The following NFIA variants were observed in gnomAD, a reference collection of about 807,000 sequenced individuals.
NFIA encodes nuclear factor 1 A-type.
NFIA carries 8 observed loss-of-function variants against 62.8 expected under a neutral mutation model. That is an observed-to-expected ratio of 0.13 (90% CI 0.07 to 0.23). The LOEUF is 0.23. Among genes scored for constraint, NFIA ranks in the 10% least tolerant of loss-of-function variants. The pLI is 1.00. For missense variants in NFIA, 410 were observed against 642.1 expected (o/e 0.64, Z 3.91); for synonymous variants, 235 against 238.1 (o/e 0.99, Z 0.12).
At chr1:61,091,133 G>T (rs969237033) in intron 2 of NFIA, among the ~76,000 whole-genome samples, 1 of 152,120 alleles carries the variant, frequency 6.6e-6, no homozygotes, top group Non-Finnish European at 1.5e-5. Context: ...CCTATAATGC[G>T]TTTTTTCTCG....
chr1:61,453,035 A>G (rs1668130565), intron 10 of NFIA, among the ~76,000 whole-genome samples: 1 of 152,210 alleles, frequency 6.6e-6, no homozygotes, highest in African/African-American at 2.4e-5. Context: ...AAACACAATA[A>G]TTAGTCCTTT....
At chr1:61,416,100 G>A (rs777759573) in intron 9 of NFIA, among the ~76,000 whole-genome samples, 2 of 152,112 alleles carry the variant, frequency 1.3e-5, no homozygotes, top group Admixed American at 1.3e-4. Flanking sequence ...ATGCATGTAC[G>A]TATCAGACTG....
chr1:61,448,944 G>A (rs1667943554), intron 10 of NFIA, among the ~76,000 whole-genome samples: 2 of 152,316 alleles, frequency 1.3e-5, no homozygotes, highest in East Asian at 3.9e-4. Flanking sequence ...AGGTTTGGAG[G>A]TACTGGATGG....
At chr1:61,359,407 G>A in intron 6 of NFIA, 133 bp downstream of exon 6, 3 of 1,300,702 alleles carry the variant, frequency 2.3e-6, no homozygotes, top group Non-Finnish European at 2.1e-6. Context: ...GCACTTGTTT[G>A]TATTGTAATC....
chr1:61,336,425 C>T (rs1661612267), intron 4 of NFIA, among the ~76,000 whole-genome samples: 1 of 152,068 alleles, frequency 6.6e-6, no homozygotes, highest in South Asian at 2.1e-4. Flanking sequence ...GTACAGAAGT[C>T]CCGTATACCC....
intron 2 of NFIA, among the ~76,000 whole-genome samples, chr1:61,094,588 T>C (rs1646379429): frequency 6.6e-6 from 1 of 152,208 alleles, no homozygotes; most frequent in African/African-American, 2.4e-5. Flanking sequence ...TGGAGATGTT[T>C]ATTCTTTTTA....
chr1:61,319,952 T>A (rs1446210856), intron 3 of NFIA, among the ~76,000 whole-genome samples: 2 of 152,086 alleles, frequency 1.3e-5, no homozygotes, highest in African/African-American at 4.8e-5. Flanking sequence ...CTGTGTTCTC[T>A]ATTCACACAT....
intron 2 of NFIA, among the ~76,000 whole-genome samples, chr1:61,177,246 G>C (rs1650440180): frequency 6.6e-6 from 1 of 152,142 alleles, no homozygotes; most frequent in African/African-American, 2.4e-5. Flanking sequence ...AGAAGTAACT[G>C]TATTTCCCTC....
chr1:61,247,643 T>A (rs1215182512), intron 2 of NFIA, among the ~76,000 whole-genome samples: 1 of 152,204 alleles, frequency 6.6e-6, no homozygotes, highest in African/African-American at 2.4e-5. Context: ...AGGGATGCCC[T>A]CGGGCCGTTG....
At chr1:61,374,542 T>A (rs972362935) in intron 6 of NFIA, among the ~76,000 whole-genome samples, 3 of 152,236 alleles carry the variant, frequency 2.0e-5, no homozygotes, top group African/African-American at 7.2e-5. Flanking sequence ...TTGTGTCTAT[T>A]CTTTACTCTC....
At chr1:61,310,098 T>C (rs1660017473) in intron 3 of NFIA, among the ~76,000 whole-genome samples, 1 of 152,104 alleles carries the variant, frequency 6.6e-6, no homozygotes, top group African/African-American at 2.4e-5. Flanking sequence ...CCAGTTGGAG[T>C]TGCTCAGTTA....
intron 2 of NFIA, among the ~76,000 whole-genome samples, chr1:61,146,084 G>A (rs1461371133): frequency 1.3e-5 from 2 of 152,144 alleles, no homozygotes; most frequent in Admixed American, 1.3e-4. Flanking sequence ...AGGCTCCAGG[G>A]GAGAACCTGT....
intron 2 of NFIA, among the ~76,000 whole-genome samples, chr1:61,226,142 C>T (rs1452915218): frequency 3.3e-5 from 5 of 152,088 alleles, no homozygotes; most frequent in African/African-American, 9.7e-5. Context: ...TAATGTGGTA[C>T]GATAGTAGTA....
chr1:61,268,840 G>GC (rs1172724483), intron 2 of NFIA, among the ~76,000 whole-genome samples: 2 of 152,158 alleles, frequency 1.3e-5, no homozygotes, highest in East Asian at 3.9e-4. Flanking sequence ...TCAAAACTGT[G>GC]CCAATGCATA....
chr1:61,358,449 C>T (rs564953480), intron 5 of NFIA, among the ~76,000 whole-genome samples: 3 of 127,810 alleles, frequency 2.3e-5, no homozygotes, highest in African/African-American at 9.0e-5. Context: ...TGCAGTGGCA[C>T]GATCTCGGCT....
chr1:61,373,790 G>A (rs552012404), intron 6 of NFIA, among the ~76,000 whole-genome samples: 7 of 143,888 alleles, frequency 4.9e-5, no homozygotes, highest in East Asian at 2.2e-4. Flanking sequence ...AATATGTTTC[G>A]CTTTTGGAAG....
At chr1:61,119,272 C>T (rs937839858) in intron 2 of NFIA, among the ~76,000 whole-genome samples, 2 of 152,154 alleles carry the variant, frequency 1.3e-5, no homozygotes, top group Admixed American at 6.5e-5. Flanking sequence ...TAAACTCTCT[C>T]GTCTCTGTTC....
In NFIA at chr1:61,128,915, GT is replaced by G. The variant is rs10635152; in HGVS notation, c.559+40260del. Among the ~76,000 whole-genome samples, 251 of 74,104 alleles carry G rather than the reference GT, an allele frequency of 3.4e-3. 1 individual carries two copies. The Middle Eastern group carries it at 0.058, about 17-fold the overall frequency. 48.6% of individuals were successfully genotyped at this position (74,104 alleles called of 152,430 possible). On this transcript the variant is annotated intron_variant, in intron 2 of 10. Coordinates refer to ENST00000403491, the MANE Select transcript of NFIA (RefSeq NM_001134673.4). The stretch of plus-strand genomic sequence containing the variant: ...CCAGCCAATGGTGATGCTTACTTAT[GT>G]TTTTTTTTTTTTTTTTTTTTTTTTG...
intron 2 of NFIA, among the ~76,000 whole-genome samples, chr1:61,150,471 A>G (rs1039701588): frequency 6.6e-6 from 1 of 152,184 alleles, no homozygotes; most frequent in Admixed American, 6.5e-5. Flanking sequence ...GGTACGATAC[A>G]CCTGGCCAAA....
Sources: allele counts gnomAD v4.1 joint callset (sites outside exome capture counted in the v4.1 genomes callset), GRCh38; gene constraint gnomAD v4.1.1; transcripts MANE v1.5; gene names NCBI Gene and HGNC (gene_info 2026-07-23, HGNC 2026-07-21).